Variants in TSPAN13 observed in about 807,000 individuals in gnomAD.
The protein encoded by TSPAN13 is tetraspanin 13, also known as tetraspanin-13.
In TSPAN13, 18 loss-of-function variants were observed where a neutral mutation model predicts 26.9. The observed-to-expected ratio is 0.67, with a 90% CI of 0.46 to 0.99. The LOEUF (loss-of-function observed/expected upper bound fraction) is 0.99. TSPAN13 is among the 50% of genes least tolerant of loss of function. The pLI, the probability that TSPAN13 is intolerant of heterozygous loss-of-function variation, is 0.00. For synonymous variants in TSPAN13, 116 were observed against 98.4 expected (o/e 1.18, Z -1.06); for missense variants, 201 against 249.6 (o/e 0.81, Z 1.31).
chr7:16,777,879 C>T lies in TSPAN13; in HGVS notation c.394C>T (p.Arg132Ter), dbSNP rs1173714248. Reference protein sequence around the residue: ...IQRNLNCCGFRSVNPNDTCLA... With the variant: ...IQRNLNCCGF ...GAGAAATCTAAACTGCTGTGGGTTCCGAAGTGTTAACCCAAATGACACCTG... is the reference window on the plus strand; with the variant it reads ...GAGAAATCTAAACTGCTGTGGGTTCTGAAGTGTTAACCCAAATGACACCTG... The change falls in exon 4 of 6, where the codon CGA becomes TGA. Residue 132 changes from arginine (R) to a stop codon, truncating the protein, a stop_gained. Transcript: ENST00000262067. LOFTEE classifies it high-confidence loss of function. 6 of 1,613,212 alleles carry T rather than the reference C, an allele frequency of 3.7e-6. No individual in the cohort carries two copies. Among genetic ancestry groups the T allele is most frequent in the Non-Finnish European group, 5.1e-6 (6 of 1,179,606 alleles).
chr7:16,779,307 G>C (rs1278739681), intron 5 of TSPAN13, among the ~76,000 whole-genome samples, 191 bp downstream of exon 5: 1 of 152,132 alleles, frequency 6.6e-6, no homozygotes, highest in Non-Finnish European at 1.5e-5. Flanking sequence ...CGGGTGAAAG[G>C]CTTGATCTGT....
intron 1 of TSPAN13, among the ~76,000 whole-genome samples, chr7:16,775,004 A>G (rs943824676): frequency 2.2e-4 from 34 of 152,242 alleles, no homozygotes; most frequent in Admixed American, 2.0e-4. Context: ...ATTTGAGCAG[A>G]AAAAGATGCA....
intron 1 of TSPAN13, among the ~76,000 whole-genome samples, chr7:16,774,198 C>T (rs907087468): frequency 3.3e-5 from 5 of 152,194 alleles, no homozygotes; most frequent in African/African-American, 1.2e-4. Flanking sequence ...TTGCCAGTCA[C>T]GACAATCATG....
intron 4 of TSPAN13, among the ~76,000 whole-genome samples, chr7:16,778,437 A>G (rs1784777506): frequency 6.6e-6 from 1 of 152,252 alleles, no homozygotes; most frequent in South Asian, 2.1e-4. Flanking sequence ...TCCCTGGGTC[A>G]GGCTTGGCTG....
chr7:16,781,210 C>T (rs754011281), intron 5 of TSPAN13, among the ~76,000 whole-genome samples: 30 of 152,210 alleles, frequency 2.0e-4, no homozygotes, highest in Admixed American at 3.9e-4. Context: ...AAAAATTAGA[C>T]GTAGCTACTA....
At chr7:16,779,243 T>C (rs1221219311) in intron 5 of TSPAN13, 127 bp downstream of exon 5, 1 of 656,850 alleles carries the variant, frequency 1.5e-6, no homozygotes, top group African/African-American at 1.9e-5. Context: ...AAGAGGAAAC[T>C]TGGTTTAGAA....
chr7:16,774,958 C>G (rs1784725355), intron 1 of TSPAN13, among the ~76,000 whole-genome samples: 1 of 152,086 alleles, frequency 6.6e-6, no homozygotes, highest in African/African-American at 2.4e-5. Flanking sequence ...TAAAATTTGC[C>G]TGACAAACTA....
rs149670076 is a variant in TSPAN13 at position 16,783,790 on chromosome 7, A to G, written c.*299A>G. On this transcript the variant is annotated 3_prime_UTR_variant, in exon 6 of 6. Coordinates refer to ENST00000262067, the MANE Select transcript of TSPAN13 (RefSeq NM_014399.4). ...ATTTTTACCTGCAGAAAAACTTTGT[A>G]TGGTACCACTGTGTTGGTTATATGG... The G allele has an allele frequency of 7.1e-4, 287 of 405,128 alleles. 1 individual carries two copies. The highest frequency in any genetic ancestry group is 4.9e-3 in the African/African-American group (246 of 50,310). 25.1% of individuals were successfully genotyped at this position (405,128 alleles called of 1,614,324 possible). A position where few individuals can be genotyped will look rare whatever the true frequency, so the allele number is the denominator to read the frequency against.
chr7:16,776,339 G>T lies in TSPAN13; in HGVS notation c.192G>T (p.Leu64=), dbSNP rs376819410. The T allele has an allele frequency of 1.2e-6, 2 of 1,613,944 alleles. No homozygotes were observed. Among genetic ancestry groups the T allele is most frequent in the Non-Finnish European group, 1.7e-6 (2 of 1,179,948 alleles). The change falls in exon 2 of 6, where the codon CTG becomes CTT. Residue 64 remains leucine (L), a synonymous_variant. Coordinates refer to ENST00000262067, the MANE Select transcript of TSPAN13 (RefSeq NM_014399.4). ...IFLFLIALVG[L]IGAVKHHQVL... ...TGTTCCTGATTGCTTTAGTGGGTCT[G>T]ATTGGAGCTGTAAAACATCATCAGG... is the stretch of plus-strand genomic sequence containing the variant.
intron 1 of TSPAN13, among the ~76,000 whole-genome samples, chr7:16,763,213 AAAG>A (rs1784566433): frequency 6.6e-6 from 1 of 152,218 alleles, no homozygotes; most frequent in South Asian, 2.1e-4. Flanking sequence ...TTTTCAGCTA[AAAG>A]GAGTGCTCAT....
rs892001134 is a variant in TSPAN13 at position 16,777,880 on chromosome 7, G to A, written c.395G>A (p.Arg132Gln). The change falls in exon 4 of 6, where the codon CGA becomes CAA. Residue 132 changes from arginine (R) to glutamine (Q), a missense_variant. Transcript: ENST00000262067. ...AGAAATCTAAACTGCTGTGGGTTCCGAAGTGTTAACCCAAATGACACCTGT... is the reference window on the plus strand; with the variant it reads ...AGAAATCTAAACTGCTGTGGGTTCCAAAGTGTTAACCCAAATGACACCTGT... ...IQRNLNCCGF[R>Q]SVNPNDTCLA... 1.9e-6 allele frequency: 3 copies of A among 1,613,508 alleles called. No individual in the cohort carries two copies. The highest frequency in any genetic ancestry group is 1.7e-5 in the Admixed American group (1 of 59,990).
intron 1 of TSPAN13, among the ~76,000 whole-genome samples, chr7:16,771,828 G>T (rs1036147577): frequency 6.6e-6 from 1 of 152,180 alleles, no homozygotes; most frequent in African/African-American, 2.4e-5. Context: ...GTGGTAATTA[G>T]GGTAGACTGA....
At chr7:16,769,814 C>A (rs1303798950) in intron 1 of TSPAN13, among the ~76,000 whole-genome samples, 2 of 152,134 alleles carry the variant, frequency 1.3e-5, no homozygotes, top group Non-Finnish European at 2.9e-5. Context: ...TGGTGAAAGT[C>A]CACACCCTGT....
intron 5 of TSPAN13, among the ~76,000 whole-genome samples, chr7:16,781,159 C>G (rs1313928742): frequency 6.6e-6 from 1 of 152,100 alleles, no homozygotes; most frequent in Non-Finnish European, 1.5e-5. Context: ...AATATATGTT[C>G]TTTGTAGTAA....
intron 1 of TSPAN13, among the ~76,000 whole-genome samples, chr7:16,755,940 G>C (rs909407567): frequency 6.6e-6 from 1 of 152,146 alleles, no homozygotes; most frequent in African/African-American, 2.4e-5. Flanking sequence ...TAGCTATGCA[G>C]TAAAACTTAA....
rs1309550954 is a variant in TSPAN13 at position 16,778,988 on chromosome 7, C to G, written c.427-15C>G. On this transcript the variant is annotated splice_polypyrimidine_tract_variant and intron_variant, in intron 4 of 5. Transcript: ENST00000262067. ...GTATTTTGAAATAAAGGTTTTTTTA[C>G]TTTAATTGGTGCAGAGCTGTGTTAA... 1.3e-6 allele frequency: 2 copies of G among 1,557,968 alleles called. No homozygotes were observed. The highest frequency in any genetic ancestry group is 1.7e-6 in the Non-Finnish European group (2 of 1,151,940).
intron 1 of TSPAN13, among the ~76,000 whole-genome samples, chr7:16,758,868 GTTAT>G (rs1177950762): frequency 1.3e-5 from 2 of 151,804 alleles, no homozygotes; most frequent in East Asian, 3.9e-4. Context: ...ACTGTTTGGG[GTTAT>G]TTGTGAGTCT....
At chr7:16,781,135 A>G (rs928504030) in intron 5 of TSPAN13, among the ~76,000 whole-genome samples, 1 of 152,196 alleles carries the variant, frequency 6.6e-6, no homozygotes, top group Non-Finnish European at 1.5e-5. Context: ...TAGAATCTGA[A>G]AAAAGCTATG....
intron 1 of TSPAN13, among the ~76,000 whole-genome samples, chr7:16,771,068 C>T (rs1034883783): frequency 6.6e-6 from 1 of 152,166 alleles, no homozygotes; most frequent in Admixed American, 6.5e-5. Context: ...GCTATGAAAC[C>T]TAAATCCTTT....
Sources: allele counts gnomAD v4.1 joint callset (sites outside exome capture counted in the v4.1 genomes callset), GRCh38; gene constraint gnomAD v4.1.1; transcripts MANE v1.5; gene names NCBI Gene and HGNC (gene_info 2026-07-23, HGNC 2026-07-21).